The following POLR2B variants were observed in gnomAD, a reference collection of about 807,000 sequenced individuals.
POLR2B encodes the protein RNA polymerase II subunit B, also known as DNA-directed RNA polymerase II subunit RPB2.
In POLR2B, 57 loss-of-function variants were observed where a neutral mutation model predicts 144.6. The ratio of observed to expected loss-of-function variants is 0.39; its 90% CI spans 0.32 to 0.49. The LOEUF is 0.49. POLR2B is among the 20% of genes least tolerant of loss of function. The pLI is 0.83. For synonymous variants in POLR2B, 442 were observed against 469.8 expected (o/e 0.94, Z 0.77); for missense variants, 595 against 1,467.4 (o/e 0.41, Z 9.71).
At chr4:56,986,582 A>G (rs1417790557) in intron 2 of POLR2B, 156 bp downstream of exon 2, 5 of 494,506 alleles carry the variant, frequency 1.0e-5, no homozygotes, top group Non-Finnish European at 1.4e-5. Flanking sequence ...TAAAAGTTAC[A>G]CAAAGAATTC....
chr4:56,998,364 A>C (rs1177550954), intron 6 of POLR2B, among the ~76,000 whole-genome samples: 3 of 151,640 alleles, frequency 2.0e-5, no homozygotes, highest in African/African-American at 7.3e-5. Context: ...TGCCCAGCTA[A>C]TTTTGTATAT....
chr4:57,020,860 C>T (rs1207113674), intron 16 of POLR2B, 39 bp from the exon 17 acceptor site: 2 of 1,080,766 alleles, frequency 1.9e-6, no homozygotes, highest in South Asian at 2.5e-5. Context: ...TTCTGTTTTC[C>T]AGGTGATGTT....
intron 13 of POLR2B, among the ~76,000 whole-genome samples, chr4:57,011,381 A>C (rs542303055): frequency 1.3e-5 from 2 of 152,328 alleles, no homozygotes; most frequent in South Asian, 4.1e-4. Flanking sequence ...TACAACAATT[A>C]GCCAGGCACG....
Position 57,030,969 on chromosome 4 carries a change from C to A in POLR2B, c.3506C>A (p.Pro1169Gln). 6.3e-7 allele frequency: 1 copy of A among 1,588,520 alleles called. No homozygotes were observed. Among genetic ancestry groups the A allele is most frequent in the Non-Finnish European group, 8.6e-7 (1 of 1,156,850 alleles). Residue 1169 changes from proline (P) to glutamine (Q), a missense_variant, in exon 25 of 25, where the codon CCG becomes CAG. Coordinates refer to ENST00000314595, the MANE Select transcript of POLR2B (RefSeq NM_000938.3). ...FQELMSMSIA[P>Q]RMMSV ...GAACTTATGTCTATGAGTATTGCAC[C>A]GCGAATGATGAGTGTTTAGCTATTT...
chr4:57,028,733 C>T (rs1450155927), intron 23 of POLR2B, among the ~76,000 whole-genome samples: 1 of 152,200 alleles, frequency 6.6e-6, no homozygotes, highest in Non-Finnish European at 1.5e-5. Context: ...CTTTGACTCT[C>T]AGGCGGTCCA....
rs895949594 is a variant in POLR2B at position 57,023,137 on chromosome 4, A to G, written c.2516-193A>G. 3.7e-6 allele frequency: 2 copies of G among 538,834 alleles called. No homozygotes were observed. The highest frequency in any genetic ancestry group is 6.5e-6 in the Non-Finnish European group (2 of 309,100). 33.4% of individuals were successfully genotyped at this position (538,834 alleles called of 1,614,324 possible). On this transcript the variant is annotated intron_variant, in intron 18 of 24. Transcript: ENST00000314595. The surrounding 1 kb of genome is among the most constrained non-coding windows in gnomAD (Gnocchi z 4.3). ...GCTGATTCCAATGTTCTTTTCCTTC[A>G]TAGACTTTTTTTTTTGTTTTCTGTG...
chr4:57,008,482 G>A (rs1723093016), intron 10 of POLR2B, among the ~76,000 whole-genome samples: 1 of 152,212 alleles, frequency 6.6e-6, no homozygotes, highest in African/African-American at 2.4e-5. Flanking sequence ...GATCACAGGT[G>A]TGAGCCACCG....
Position 56,995,376 on chromosome 4 carries a change from T to C in POLR2B, c.702T>C (p.Thr234=). ...AGAATTCTTCCCGACCCACCAGTACTATATGGGTTAGCATGCTGGCAAGAG... is the reference window on the plus strand; with the variant it reads ...AGAATTCTTCCCGACCCACCAGTACCATATGGGTTAGCATGCTGGCAAGAG... The part of the protein sequence containing the change: ...CLENSSRPTS[T]IWVSMLARGG... Residue 234 remains threonine, a synonymous_variant, in exon 6 of 25, where the codon ACT becomes ACC. Coordinates refer to ENST00000314595, the MANE Select transcript of POLR2B (RefSeq NM_000938.3). The C allele has an allele frequency of 6.2e-7, 1 of 1,611,832 alleles. No homozygotes were observed. The highest frequency in any genetic ancestry group is 8.5e-7 in the Non-Finnish European group (1 of 1,178,310).
At chr4:57,029,509 T>C (rs1052000689) in intron 23 of POLR2B, among the ~76,000 whole-genome samples, 2 of 152,230 alleles carry the variant, frequency 1.3e-5, no homozygotes, top group Non-Finnish European at 2.9e-5. Context: ...ATTGGTTTTA[T>C]TTTGTATATT....
At position 57,023,141 on chromosome 4, in the gene POLR2B, A is replaced by G. The variant is rs528700018; in HGVS notation, c.2516-189A>G. 247 of 536,550 alleles carry G rather than the reference A, an allele frequency of 4.6e-4. 1 individual carries two copies. Among genetic ancestry groups the G allele is most frequent in the Non-Finnish European group, 7.2e-4 (223 of 308,324 alleles). The allele number at this position is 536,550 out of a possible 1,614,324, so 33.2% of individuals were successfully genotyped here. ...ATTCCAATGTTCTTTTCCTTCATAG[A>G]CTTTTTTTTTTGTTTTCTGTGTGGG... On this transcript the variant is annotated intron_variant, in intron 18 of 24. Coordinates refer to ENST00000314595, the MANE Select transcript of POLR2B (RefSeq NM_000938.3). The surrounding 1 kb of genome is among the most constrained non-coding windows in gnomAD (Gnocchi z 4.3).
In POLR2B at chr4:56,979,017, T is replaced by C; in HGVS notation, c.19+13T>C. The C allele has an allele frequency of 6.2e-7, 1 of 1,612,824 alleles. No homozygotes were observed. The highest frequency in any genetic ancestry group is 8.5e-7 in the Non-Finnish European group (1 of 1,179,158). ...GACGCGGATGAGGGTAGGTGAACGC[T>C]CAAAACACACGCCGTGGCGGTCCAT... is the stretch of plus-strand genomic sequence containing the variant. On this transcript the variant is annotated intron_variant, in intron 1 of 24. Transcript: ENST00000314595.
chr4:57,010,694 G>T, intron 11 of POLR2B, 54 bp from the exon 12 acceptor site: 1 of 1,480,964 alleles, frequency 6.8e-7, no homozygotes. Context: ...TTATGGAAAA[G>T]AAGTTTGATA....
chr4:56,984,078 T>G (rs530847652), intron 1 of POLR2B, among the ~76,000 whole-genome samples: 1 of 151,468 alleles, frequency 6.6e-6, no homozygotes, highest in East Asian at 2.0e-4. Flanking sequence ...TTGGCCAGGC[T>G]GGTCTCGAAC....
intron 14 of POLR2B, 98 bp from the exon 15 acceptor site, chr4:57,016,945 A>G: frequency 2.8e-6 from 1 of 351,950 alleles, no homozygotes; most frequent in Non-Finnish European, 5.0e-6. Flanking sequence ...ATATAATATT[A>G]AACTTATTTA....
chr4:56,985,088 A>C (rs551940234), intron 1 of POLR2B, among the ~76,000 whole-genome samples: 3 of 152,292 alleles, frequency 2.0e-5, no homozygotes, highest in Non-Finnish European at 4.4e-5. Context: ...AGTATTGACT[A>C]TGTCTGACAT....
intron 16 of POLR2B, among the ~76,000 whole-genome samples, chr4:57,019,619 T>C (rs774515498): frequency 1.2e-4 from 19 of 152,240 alleles, no homozygotes; most frequent in Admixed American, 4.6e-4. Flanking sequence ...CATGAAGCCA[T>C]ATCATTCTTT....
intron 10 of POLR2B, 80 bp downstream of exon 10, chr4:57,007,082 A>T: frequency 9.3e-7 from 1 of 1,074,774 alleles, no homozygotes; most frequent in Non-Finnish European, 1.4e-6. Context: ...TGTTGAATAT[A>T]AATTATTTTG....
chr4:57,010,732 T>C lies in POLR2B; in HGVS notation c.1549-16T>C. 1.3e-6 allele frequency: 2 copies of C among 1,572,882 alleles called. No homozygotes were observed. On this transcript the variant is annotated splice_polypyrimidine_tract_variant and intron_variant, in intron 11 of 24. Coordinates refer to ENST00000314595, the MANE Select transcript of POLR2B (RefSeq NM_000938.3). ...CATGTAAAATCAGAATGACTAATAC[T>C]TGGTTTATTTTTTAGGGCCATGCTG... is the stretch of plus-strand genomic sequence containing the variant.
At chr4:57,025,227 C>G (rs1723676465) in intron 22 of POLR2B, 150 bp from the exon 23 acceptor site, 1 of 692,290 alleles carries the variant, frequency 1.4e-6, no homozygotes. Flanking sequence ...CCACTCCCAC[C>G]CCAAGCTAAT....
Sources: gnomAD v4.1 joint callset for allele counts (sites outside exome capture counted in the v4.1 genomes callset) on GRCh38, gnomAD v4.1.1 for gene constraint, Gnocchi (gnomAD v3.1) non-coding constraint, MANE v1.5 for transcripts, NCBI Gene and HGNC (gene_info 2026-07-23, HGNC 2026-07-21) for gene names.